KMT2B: variants seen among roughly 807,000 people sequenced by gnomAD.
KMT2B encodes histone-lysine N-methyltransferase 2B.
In KMT2B, 22 loss-of-function variants were observed where a neutral mutation model predicts 255.3. That is an observed-to-expected ratio of 0.09 (90% confidence interval 0.06 to 0.12). The LOEUF (loss-of-function observed/expected upper bound fraction) is 0.12, where lower values mean the gene tolerates loss of function less well. Among genes scored for constraint, KMT2B ranks in the 10% least tolerant of loss-of-function variants. KMT2B has a pLI of 1.00. For synonymous variants in KMT2B, 1,730 were observed against 1,498.1 expected (o/e 1.15, Z -3.57); for missense variants, 3,149 against 3,737.0 (o/e 0.84, Z 4.10).
chr19:35,722,014 T>C (rs1219869588), intron 3 of KMT2B, among the ~76,000 whole-genome samples: 1 of 151,398 alleles, frequency 6.6e-6, no homozygotes, highest in East Asian at 1.9e-4. Context: ...TTTTTTTTTT[T>C]TTTTTATTTT....
Position 35,732,340 on chromosome 19 carries a change from C to A in KMT2B, c.5791C>A (p.Pro1931Thr), listed in dbSNP as rs760950198. Residue 1931 changes from proline (P) to threonine (T), a missense_variant, in exon 28 of 37, where the codon CCT (proline) becomes ACT (threonine). Physicochemically the swap from Pro to Thr is conservative, Grantham distance 38. Coordinates refer to ENST00000420124, the MANE Select transcript of KMT2B (RefSeq NM_014727.3). ...GCCGCCTCCATCACGGTGGGCCTCC[C>A]CTCCTCTAAAAACCTCCCCTCAGCT... ...PRPPPSRWAS[P>T]PLKTSPQLRV... The A allele has an allele frequency of 1.2e-6, 2 of 1,611,536 alleles. No homozygotes were observed. The highest frequency in any genetic ancestry group is 1.7e-6 in the Non-Finnish European group (2 of 1,178,846).
rs757909345 is a variant in KMT2B at position 35,731,898 on chromosome 19, G to C, written c.5438-10G>C. ...CCCTACCACCCCAATGCCATTTCTC[G>C]CCTCTTCAGAGCCCCCAGGTGGTGA... On this transcript the variant is annotated splice_polypyrimidine_tract_variant and intron_variant, in intron 26 of 36. Coordinates refer to ENST00000420124, the MANE Select transcript of KMT2B (RefSeq NM_014727.3). 19 of 1,604,702 alleles carry C rather than the reference G, an allele frequency of 1.2e-5. No homozygotes were observed. In the South Asian group the frequency reaches 2.1e-4, roughly 18 times the overall value.
intron 23 of KMT2B, 72 bp from the exon 24 acceptor site, chr19:35,730,270 A>C: frequency 6.2e-7 from 1 of 1,602,314 alleles, no homozygotes; most frequent in Non-Finnish European, 8.5e-7. Flanking sequence ...CAAGCCCCTG[A>C]CTGTTCAGAC....
At position 35,732,649 on chromosome 19, in the gene KMT2B, T is replaced by C; in HGVS notation, c.6100T>C (p.Tyr2034His). 6.2e-7 allele frequency: 1 copy of C among 1,610,590 alleles called. No homozygotes were observed. Among genetic ancestry groups the C allele is most frequent in the Non-Finnish European group, 8.5e-7 (1 of 1,178,528 alleles). ...GGAGGAGTCCAGCCCCACCTCCCGC[T>C]ACATCCACTTCCCTGTGACTGTGGT... is the stretch of plus-strand genomic sequence containing the variant. ...SEEESSPTSR[Y>H]IHFPVTVVSA... Residue 2034 changes from tyrosine to histidine, a missense_variant, in exon 28 of 37, where the codon TAC becomes CAC. Coordinates refer to ENST00000420124, the MANE Select transcript of KMT2B (RefSeq NM_014727.3).
chr19:35,737,124 G>A lies in KMT2B; in HGVS notation c.7411G>A (p.Ala2471Thr). Reference sequence around the variant, plus strand: ...GAGACTCCTGGGCATCCACCATGATGCTGTCATCTTCCTGGCCGAGCAGCT... The same window carrying A: ...GAGACTCCTGGGCATCCACCATGATACTGTCATCTTCCTGGCCGAGCAGCT... ...GARLLGIHHD[A>T]VIFLAEQLPG... is the part of the protein sequence containing the mutation. The change falls in exon 33 of 37, where the codon GCT becomes ACT. Residue 2471 changes from alanine to threonine, a missense_variant. By Grantham distance (58) the Ala-to-Thr change is moderately conservative (BLOSUM62 0). Coordinates refer to ENST00000420124, the MANE Select transcript of KMT2B (RefSeq NM_014727.3). This position sits in a 1 kb window ranked among gnomAD's most constrained non-coding sequence, Gnocchi z 5.3. 3 of 1,610,982 alleles carry A rather than the reference G, an allele frequency of 1.9e-6. No individual in the cohort carries two copies. The highest frequency in any genetic ancestry group is 2.5e-6 in the Non-Finnish European group (3 of 1,178,166).
Position 35,730,808 on chromosome 19 carries a change from C to A in KMT2B, c.5378C>A (p.Ala1793Asp). 6.2e-7 allele frequency: 1 copy of A among 1,613,624 alleles called. No homozygotes were observed. The highest frequency in any genetic ancestry group is 8.5e-7 in the Non-Finnish European group (1 of 1,179,796). Residue 1793 changes from alanine (A) to aspartate (D), a missense_variant, in exon 26 of 37, where the codon GCT (alanine) becomes GAT (aspartate). This residue lies in a region of KMT2B where 34 missense variants were observed against 51.6 expected (regional missense o/e 0.66). Transcript: ENST00000420124. The stretch of plus-strand genomic sequence containing the variant: ...CCATGGGGGCCGAGGGAAGAGCCAG[C>A]TCACCTGGAGGCTGCAGAGGAGAAC... Reference protein sequence around the residue: ...YRPWGPREEPAHLEAAEENQT... With the variant: ...YRPWGPREEPDHLEAAEENQT...
At position 35,737,512 on chromosome 19, in the gene KMT2B, T is replaced by C; in HGVS notation, c.7551-124T>C. ...GCGTAGGCAACATGGCAAAACCCCA[T>C]CTCTAAAATAAAAATTTAAAAAAGT... On this transcript the variant is annotated intron_variant, in intron 33 of 36. Transcript: ENST00000420124. The surrounding 1 kb of genome is among the most constrained non-coding windows in gnomAD (Gnocchi z 5.3). The C allele has an allele frequency of 3.9e-6, 3 of 774,834 alleles. No individual in the cohort carries two copies. Among genetic ancestry groups the C allele is most frequent in the Non-Finnish European group, 6.1e-6 (3 of 492,504 alleles). The allele number at this position is 774,834 out of a possible 1,614,324, so 48.0% of individuals were successfully genotyped here. A position where few individuals can be genotyped will look rare whatever the true frequency, so the allele number is the denominator to read the frequency against.
intron 5 of KMT2B, 80 bp from the exon 6 acceptor site, chr19:35,722,915 G>T: frequency 6.9e-7 from 1 of 1,456,732 alleles, no homozygotes. Flanking sequence ...GCGAGAGCCA[G>T]GTTGTGGGAA....
chr19:35,733,865 C>T lies in KMT2B; in HGVS notation c.7152C>T (p.His2384=), dbSNP rs1428975330. 1.2e-6 allele frequency: 2 copies of T among 1,611,544 alleles called. No homozygotes were observed. The highest frequency in any genetic ancestry group is 4.5e-5 in the East Asian group (2 of 44,864). ...PDLLLESQWH[H]YSGEASSSEE... ...TGCTGCTTGAGTCCCAGTGGCACCA[C>T]TATTCAGGTAGGGACCGGCCTTGCC... The change falls in exon 30 of 37, where the codon CAC becomes CAT. Residue 2384 remains histidine (H), a synonymous_variant. Coordinates refer to ENST00000420124, the MANE Select transcript of KMT2B (RefSeq NM_014727.3). The surrounding 1 kb of genome is among the most constrained non-coding windows in gnomAD (Gnocchi z 4.3).
At position 35,718,110 on chromosome 19, in the gene KMT2B, G is replaced by C. The variant is rs1969024306; in HGVS notation, c.92G>C (p.Gly31Ala). 3 of 996,992 alleles carry C rather than the reference G, an allele frequency of 3.0e-6. No homozygotes were observed. The highest frequency in any genetic ancestry group is 2.4e-6 in the Non-Finnish European group (2 of 839,056). The allele number at this position is 996,992 out of a possible 1,614,324, so 61.8% of individuals were successfully genotyped here. ...PGRPRGAGGGGGRGGRGNGAE... is the reference protein window; with the variant it reads ...PGRPRGAGGGAGRGGRGNGAE... ...CGGCCGCGGGGCGCCGGCGGGGGCG[G>C]GGGCCGCGGCGGACGGGGCAACGGG... The change falls in exon 1 of 37, where the codon GGG becomes GCG. Residue 31 changes from glycine (G) to alanine (A), a missense_variant. By Grantham distance (60) the Gly-to-Ala change is moderately conservative. This residue lies in a region of KMT2B where 10 missense variants were observed against 26.9 expected (regional missense o/e 0.37). Coordinates refer to ENST00000420124, the MANE Select transcript of KMT2B (RefSeq NM_014727.3). This position sits in a 1 kb window ranked among gnomAD's most constrained non-coding sequence, Gnocchi z 5.0.
rs1599681617 is a variant in KMT2B, at chr19:35,726,157, A to G, written c.3886-79A>G. The G allele has an allele frequency of 1.5e-5, 16 of 1,071,554 alleles. No homozygotes were observed. In the South Asian group the frequency reaches 1.7e-4, roughly 12 times the overall value. The allele number at this position is 1,071,554 out of a possible 1,614,324, so 66.4% of individuals were successfully genotyped here. On this transcript the variant is annotated intron_variant, in intron 13 of 36. Transcript: ENST00000420124. ...CTTGCCTGCTTCCTGCATATCCCCAATTCCTCCTCGCCCGTCTCCCGCTCA... is the reference window on the plus strand; with the variant it reads ...CTTGCCTGCTTCCTGCATATCCCCAGTTCCTCCTCGCCCGTCTCCCGCTCA...
intron 13 of KMT2B, 84 bp from the exon 14 acceptor site, chr19:35,726,151 TC>T: frequency 1.0e-6 from 1 of 984,480 alleles, no homozygotes; most frequent in Non-Finnish European, 1.6e-6. Flanking sequence ...TTCCTGCATA[TC>T]CCCAATTCCT....
intron 23 of KMT2B, 62 bp from the exon 24 acceptor site, chr19:35,730,273 GTTCAGAC>G (rs1969640344): frequency 6.2e-7 from 1 of 1,603,344 alleles, no homozygotes; most frequent in African/African-American, 1.3e-5. Context: ...GCCCCTGACT[GTTCAGAC>G]TTCCCTGGCA....
intron 2 of KMT2B, 25 bp downstream of exon 2, chr19:35,719,566 C>T: frequency 1.9e-6 from 3 of 1,573,974 alleles, no homozygotes; most frequent in Non-Finnish European, 2.6e-6. Flanking sequence ...AACTCCACCT[C>T]TTTAGCGTCA....
In KMT2B at chr19:35,730,797, G is replaced by T; in HGVS notation, c.5367G>T (p.Arg1789Ser). 1 of 1,613,742 alleles carries T rather than the reference G, an allele frequency of 6.2e-7. No individual in the cohort carries two copies. The highest frequency in any genetic ancestry group is 8.5e-7 in the Non-Finnish European group (1 of 1,179,834). ...RILEYRPWGP[R>S]EEPAHLEAAE... ...TGGAGTATCGGCCATGGGGGCCGAG[G>T]GAAGAGCCAGCTCACCTGGAGGCTG... Residue 1789 changes from arginine (R) to serine (S), a missense_variant, in exon 26 of 37, where the codon AGG (arginine) becomes AGT (serine). Arg to Ser is a moderately radical substitution (Grantham distance 110, BLOSUM62 -1). Coordinates refer to ENST00000420124, the MANE Select transcript of KMT2B (RefSeq NM_014727.3).
Position 35,723,495 on chromosome 19 carries a change from T to C in KMT2B, c.3051T>C (p.Ala1017=), listed in dbSNP as rs761329324. The C allele has an allele frequency of 6.4e-7, 1 of 1,568,516 alleles. No individual in the cohort carries two copies. The highest frequency in any genetic ancestry group is 8.6e-7 in the Non-Finnish European group (1 of 1,157,526). ...AGGCTCGGAAGATGGAACGACTGGC[T>C]AAAAAAGGTGACGAGCTTTAAGGAG... ...KIEARKMERL[A]KKGRTIVKTL... is the part of the protein sequence containing the mutation. Residue 1017 remains alanine (A), a synonymous_variant, in exon 7 of 37, where the codon GCT becomes GCC. Coordinates refer to ENST00000420124, the MANE Select transcript of KMT2B (RefSeq NM_014727.3). This position sits in a 1 kb window ranked among gnomAD's most constrained non-coding sequence, Gnocchi z 7.5.
chr19:35,726,391 CAG>C lies in KMT2B; in HGVS notation c.4003+39_4003+40del, dbSNP rs766898649. 35 of 1,382,276 alleles carry C rather than the reference CAG, an allele frequency of 2.5e-5. No homozygotes were observed. In the African/African-American group the frequency reaches 2.7e-4, roughly 11 times the overall value. The allele number at this position is 1,382,276 out of a possible 1,614,324, so 85.6% of individuals were successfully genotyped here. Reference sequence around the variant, plus strand: ...CAGGGGAACTGGATGCTGGGGGCCACAGGGGAATGGCCAGGCTCTTTTACAGG... The same window carrying C: ...CAGGGGAACTGGATGCTGGGGGCCACGGGAATGGCCAGGCTCTTTTACAGG... On this transcript the variant is annotated intron_variant, in intron 14 of 36. Transcript: ENST00000420124.
Position 35,736,820 on chromosome 19 carries a change from C to T in KMT2B, c.7290C>T (p.Ser2430=), listed in dbSNP as rs1969933726. The change falls in exon 31 of 37, where the codon AGC becomes AGT. Residue 2430 remains serine (S), a synonymous_variant. Transcript: ENST00000420124. ...ATGGGTTCAGCGTTGAGGCAGAGAG[C>T]TTGGAGGGTGAGTGGGGGGAGTGCA... The part of the protein sequence containing the change: ...SEDGFSVEAE[S]LEGAWRTLIE... 1 of 1,613,802 alleles carries T rather than the reference C, an allele frequency of 6.2e-7. No homozygotes were observed. The highest frequency in any genetic ancestry group is 1.3e-5 in the African/African-American group (1 of 74,896).
In KMT2B at chr19:35,737,307, G is replaced by C; in HGVS notation, c.7550+44G>C. The C allele has an allele frequency of 6.9e-7, 1 of 1,450,474 alleles. No individual in the cohort carries two copies. The highest frequency in any genetic ancestry group is 1.4e-5 in the African/African-American group (1 of 69,920). 89.9% of individuals were successfully genotyped at this position (1,450,474 alleles called of 1,614,324 possible). A position where few individuals can be genotyped will look rare whatever the true frequency, so the allele number is the denominator to read the frequency against. ...GATGCCTGGGTCAGGGCGCCCCTATGAGAGCTCTTGAGGGTGGGAGTTAAC... is the reference window on the plus strand; with the variant it reads ...GATGCCTGGGTCAGGGCGCCCCTATCAGAGCTCTTGAGGGTGGGAGTTAAC... On this transcript the variant is annotated intron_variant, in intron 33 of 36. Coordinates refer to ENST00000420124, the MANE Select transcript of KMT2B (RefSeq NM_014727.3). The surrounding 1 kb of genome is among the most constrained non-coding windows in gnomAD (Gnocchi z 5.3).
Sources: gnomAD v4.1 joint callset for allele counts (sites outside exome capture counted in the v4.1 genomes callset) on GRCh38, gnomAD v4.1.1 for gene constraint, gnomAD v4.1.1 regional missense constraint, Gnocchi (gnomAD v3.1) non-coding constraint, MANE v1.5 for transcripts, NCBI Gene and HGNC (gene_info 2026-07-23, HGNC 2026-07-21) for gene names.